Variants in PDE11A observed in about 807,000 individuals in gnomAD.
The protein encoded by PDE11A is dual 3',5'-cyclic-AMP and -GMP phosphodiesterase 11A.
A neutral mutation model predicts 100.5 loss-of-function variants in PDE11A; 100 were observed. The ratio of observed to expected loss-of-function variants is 1.00; its 90% CI spans 0.85 to 1.18. The LOEUF (loss-of-function observed/expected upper bound fraction) is 1.18, where lower values mean the gene tolerates loss of function less well. PDE11A is among the 50% of genes most tolerant of loss of function. PDE11A has a pLI of 0.00. For synonymous variants in PDE11A, 381 were observed against 420.8 expected (o/e 0.91, Z 1.16); for missense variants, 1,141 against 1,152.6 (o/e 0.99, Z 0.15).
intron 12 of PDE11A, among the ~76,000 whole-genome samples, chr2:177,719,827 GA>G (rs1271879268): frequency 6.6e-6 from 1 of 152,052 alleles, no homozygotes; most frequent in Non-Finnish European, 1.5e-5. Flanking sequence ...AGTGCTCTTT[GA>G]AGGTTTCATT....
chr2:177,965,058 G>C (rs967915334), intron 2 of PDE11A, among the ~76,000 whole-genome samples: 4 of 152,140 alleles, frequency 2.6e-5, no homozygotes. Flanking sequence ...TTTAATAGGA[G>C]CCATTCTGAG....
At chr2:177,992,473 T>TGA (rs2086016323) in intron 2 of PDE11A, among the ~76,000 whole-genome samples, 1 of 152,214 alleles carries the variant, frequency 6.6e-6, no homozygotes, top group Admixed American at 6.5e-5. Flanking sequence ...TTTCTACCAT[T>TGA]CATGCTATTT....
chr2:177,760,241 T>A (rs1199574212), intron 10 of PDE11A, among the ~76,000 whole-genome samples: 1 of 152,228 alleles, frequency 6.6e-6, no homozygotes, highest in Non-Finnish European at 1.5e-5. Flanking sequence ...CCTGTTTTTA[T>A]ACACTGCAAT....
At chr2:177,890,210 A>G (rs2084507765) in intron 4 of PDE11A, among the ~76,000 whole-genome samples, 1 of 152,190 alleles carries the variant, frequency 6.6e-6, no homozygotes, top group African/African-American at 2.4e-5. Flanking sequence ...CAAGATAAGC[A>G]GCTGCAGGGT....
chr2:178,063,329 T>C (rs1282323565), intron 1 of PDE11A, among the ~76,000 whole-genome samples: 11 of 152,212 alleles, frequency 7.2e-5, no homozygotes, highest in Admixed American at 7.2e-4. Context: ...TATGTATGTG[T>C]GGTACTGTGT....
chr2:177,922,793 TTTCTTGACTCATC>T, intron 2 of PDE11A: 1 of 985,070 alleles, frequency 1.0e-6, no homozygotes, highest in South Asian at 4.7e-5. Flanking sequence ...ACAGTGGACT[TTTCTTGACTCATC>T]TTCCAGCACT....
chr2:177,787,597 T>C (rs2082556953), intron 9 of PDE11A, among the ~76,000 whole-genome samples: 2 of 150,978 alleles, frequency 1.3e-5, no homozygotes, highest in Non-Finnish European at 3.0e-5. Flanking sequence ...GACTGGCAAA[T>C]TGGATAAAGA....
At chr2:177,821,336 A>G (rs1284324959) in intron 6 of PDE11A, among the ~76,000 whole-genome samples, 1 of 151,818 alleles carries the variant, frequency 6.6e-6, no homozygotes, top group Non-Finnish European at 1.5e-5. Context: ...TTGTAAGTAT[A>G]CAGCTTAATG....
intron 10 of PDE11A, among the ~76,000 whole-genome samples, chr2:177,759,240 G>C (rs2082138160): frequency 6.6e-6 from 1 of 151,882 alleles, no homozygotes; most frequent in Non-Finnish European, 1.5e-5. Context: ...AGCTAATTCA[G>C]AATAGCTAAA....
Position 177,999,620 on chromosome 2 carries a change from G to A in PDE11A, c.1071+14682C>T, listed in dbSNP as rs185959868. Among the ~76,000 whole-genome samples, 91 of 152,230 alleles carry A rather than the reference G, an allele frequency of 6.0e-4. 1 individual carries two copies. Among genetic ancestry groups the A allele is most frequent in the African/African-American group, 2.0e-3 (83 of 41,530 alleles). On this transcript the variant is annotated intron_variant, in intron 2 of 19. Transcript: ENST00000286063. ...ACCCAATGCTATTAAACATTGGGTGGCACCTTTAAAGAAAAGGTACTGATT... is the reference window on the plus strand; with the variant it reads ...ACCCAATGCTATTAAACATTGGGTGACACCTTTAAAGAAAAGGTACTGATT...
At chr2:177,700,537 T>A (rs1260301404) in intron 14 of PDE11A, among the ~76,000 whole-genome samples, 3 of 152,132 alleles carry the variant, frequency 2.0e-5, no homozygotes. Flanking sequence ...AAGTATAAAA[T>A]TCCAACTACT....
At chr2:177,909,417 C>T (rs74533921) in intron 2 of PDE11A, among the ~76,000 whole-genome samples, 1,697 of 152,262 alleles carry the variant, frequency 0.011, 30 homozygotes, top group African/African-American at 0.039. Context: ...CTGCCTTCTC[C>T]CGTCAGGCCC....
At chr2:177,653,288 C>T (rs951758540) in intron 19 of PDE11A, among the ~76,000 whole-genome samples, 7 of 152,308 alleles carry the variant, frequency 4.6e-5, no homozygotes, top group African/African-American at 1.7e-4. Flanking sequence ...TCCATGAGTG[C>T]TCTGAGAGAA....
At chr2:177,899,180 G>A (rs1261858791) in intron 3 of PDE11A, among the ~76,000 whole-genome samples, 1 of 152,128 alleles carries the variant, frequency 6.6e-6, no homozygotes, top group East Asian at 1.9e-4. Context: ...GGCCAAGGAA[G>A]GTGGATCACA....
intron 10 of PDE11A, among the ~76,000 whole-genome samples, chr2:177,743,371 C>G (rs976379995): frequency 6.6e-6 from 1 of 152,168 alleles, no homozygotes; most frequent in Non-Finnish European, 1.5e-5. Flanking sequence ...GGGCATGAAA[C>G]TTGTAAGATG....
chr2:177,846,452 G>A (rs2083603879), intron 5 of PDE11A, among the ~76,000 whole-genome samples: 1 of 152,130 alleles, frequency 6.6e-6, no homozygotes, highest in Non-Finnish European at 1.5e-5. Flanking sequence ...AAAGGAAAGG[G>A]CCCAAATTAT....
intron 10 of PDE11A, among the ~76,000 whole-genome samples, chr2:177,752,910 C>T (rs1421155013): frequency 6.6e-6 from 1 of 152,146 alleles, no homozygotes; most frequent in Admixed American, 6.5e-5. Context: ...ATATGTTTGC[C>T]CATTGTTGAT....
At chr2:178,006,890 A>C (rs1402578216) in intron 2 of PDE11A, among the ~76,000 whole-genome samples, 3 of 152,158 alleles carry the variant, frequency 2.0e-5, no homozygotes, top group African/African-American at 7.2e-5. Flanking sequence ...TGTTTCTCTT[A>C]ATAAAGAATG....
chr2:177,903,352 C>A (rs2084728917), intron 3 of PDE11A, among the ~76,000 whole-genome samples: 1 of 152,154 alleles, frequency 6.6e-6, no homozygotes, highest in Non-Finnish European at 1.5e-5. Context: ...CCCTTTATCC[C>A]TTTATCTCAC....
Sources: gnomAD v4.1 joint callset for allele counts (sites outside exome capture counted in the v4.1 genomes callset) on GRCh38, gnomAD v4.1.1 for gene constraint, MANE v1.5 for transcripts, NCBI Gene and HGNC (gene_info 2026-07-23, HGNC 2026-07-21) for gene names.